Variants in GRIP1 observed in about 807,000 individuals in gnomAD.
GRIP1 encodes glutamate receptor interacting protein 1, also known as glutamate receptor-interacting protein 1.
Under a neutral mutation model 129.9 loss-of-function variants are expected in GRIP1, and 45 were observed. That is an observed-to-expected ratio of 0.35 (90% CI 0.27 to 0.44). The LOEUF is 0.44. GRIP1 is among the 20% of genes least tolerant of loss of function. The pLI is 1.00. For synonymous variants in GRIP1, 530 were observed against 520.8 expected (o/e 1.02, Z -0.24); for missense variants, 1,196 against 1,396.8 (o/e 0.86, Z 2.29).
Position 66,589,222 on chromosome 12 carries a change from CTCTCTG to C in GRIP1, c.136+7619_136+7624del, listed in dbSNP as rs1164376405. 8.2e-5 allele frequency among the ~76,000 whole-genome samples: 12 copies of C among 146,420 alleles called. No individual in the cohort carries two copies. In the South Asian group the frequency reaches 1.8e-3, roughly 22 times the overall value. ...TCTCTCTCTCTCTCTCTCTCTCTCT[CTCTCTG>C]TCTGTCTGTCTCTCTCTCTCTCTTA... On this transcript the variant is annotated intron_variant, in intron 2 of 24. Coordinates refer to ENST00000359742, the MANE Select transcript of GRIP1 (RefSeq NM_001366722.1).
At chr12:67,051,177 C>T (rs1003186650) in intron 1 of GRIP1, among the ~76,000 whole-genome samples, 2 of 152,082 alleles carry the variant, frequency 1.3e-5, no homozygotes, top group Non-Finnish European at 2.9e-5. Context: ...AGAGCCTGAA[C>T]ATGAAACGGA....
intron 13 of GRIP1, among the ~76,000 whole-genome samples, chr12:66,433,210 A>C (rs1288550342): frequency 6.6e-6 from 1 of 152,128 alleles, no homozygotes; most frequent in African/African-American, 2.4e-5. Flanking sequence ...CTTAATTTGT[A>C]ATGTGAAAAG....
intron 1 of GRIP1, among the ~76,000 whole-genome samples, chr12:67,064,667 T>C (rs2043591053): frequency 6.6e-6 from 1 of 152,202 alleles, no homozygotes. Flanking sequence ...CCAGATCTCC[T>C]CGATATGGGT....
intron 22 of GRIP1, among the ~76,000 whole-genome samples, chr12:66,374,982 A>G (rs2055715792): frequency 6.6e-6 from 1 of 152,156 alleles, no homozygotes; most frequent in African/African-American, 2.4e-5. Context: ...ACCTGTTTTC[A>G]TTTGCCATAA....
chr12:66,568,785 G>T, intron 2 of GRIP1: 1 of 279,192 alleles, frequency 3.6e-6, no homozygotes, highest in Non-Finnish European at 7.1e-6. Context: ...TGGTGAATGG[G>T]CACTGCCTCT....
At chr12:66,599,198 C>A (rs1186322189) in intron 1 of GRIP1, among the ~76,000 whole-genome samples, 3 of 152,086 alleles carry the variant, frequency 2.0e-5, no homozygotes, top group Admixed American at 6.6e-5. Context: ...TGAGCACAGG[C>A]AAAAGTAAAT....
At chr12:66,941,336 T>C (rs1315847733) in intron 1 of GRIP1, among the ~76,000 whole-genome samples, 1 of 152,192 alleles carries the variant, frequency 6.6e-6, no homozygotes, top group Admixed American at 6.5e-5. Context: ...AATTTCAGTC[T>C]TCTAGGCCAC....
At chr12:66,704,436 A>T (rs762265003) in intron 1 of GRIP1, among the ~76,000 whole-genome samples, 39 of 152,084 alleles carry the variant, frequency 2.6e-4, no homozygotes, top group Non-Finnish European at 5.0e-4. Context: ...TAAAAAGATC[A>T]CTAACAAGCA....
At chr12:66,671,712 T>C (rs1019472457) in intron 1 of GRIP1, among the ~76,000 whole-genome samples, 1 of 152,216 alleles carries the variant, frequency 6.6e-6, no homozygotes, top group Non-Finnish European at 1.5e-5. Flanking sequence ...ATCTTTGCTT[T>C]GGTTTTTAGA....
intron 1 of GRIP1, among the ~76,000 whole-genome samples, chr12:66,881,556 T>G (rs1252276): frequency 6.6e-6 from 1 of 151,870 alleles, no homozygotes; most frequent in Non-Finnish European, 1.5e-5. Context: ...GCTTCATCCA[T>G]CACATGCACC....
chr12:66,498,724 C>T (rs1419642321), intron 7 of GRIP1, among the ~76,000 whole-genome samples: 1 of 152,036 alleles, frequency 6.6e-6, no homozygotes, highest in African/African-American at 2.4e-5. Context: ...TTTGAGATTT[C>T]TTATCTTTAA....
At chr12:66,595,768 A>G (rs761880804) in intron 2 of GRIP1, among the ~76,000 whole-genome samples, 4 of 152,234 alleles carry the variant, frequency 2.6e-5, no homozygotes, top group Non-Finnish European at 4.4e-5. Flanking sequence ...ACATATTCAT[A>G]ATATGTGTCT....
At chr12:66,688,721 G>C (rs555507463) in intron 1 of GRIP1, among the ~76,000 whole-genome samples, 2 of 151,016 alleles carry the variant, frequency 1.3e-5, no homozygotes, top group South Asian at 4.2e-4. Flanking sequence ...ACATTAAAGT[G>C]CTCCTTGGGG....
intron 7 of GRIP1, among the ~76,000 whole-genome samples, chr12:66,501,070 CA>C (rs2060379291): frequency 6.6e-6 from 1 of 152,180 alleles, no homozygotes; most frequent in East Asian, 1.9e-4. Flanking sequence ...AGCCAGGAGA[CA>C]GGGGACTCAG....
chr12:66,418,825 A>T (rs2057702397), intron 15 of GRIP1, among the ~76,000 whole-genome samples: 1 of 152,180 alleles, frequency 6.6e-6, no homozygotes, highest in South Asian at 2.1e-4. Context: ...AGGAAAGGGA[A>T]CCCTGGTACA....
intron 1 of GRIP1, among the ~76,000 whole-genome samples, chr12:66,909,068 CATTT>C (rs2040985705): frequency 6.6e-6 from 1 of 152,064 alleles, no homozygotes; most frequent in East Asian, 1.9e-4. Context: ...GTGATAATAC[CATTT>C]ATTACTTATT....
At chr12:66,532,267 T>C (rs1177502387) in intron 4 of GRIP1, among the ~76,000 whole-genome samples, 1 of 152,200 alleles carries the variant, frequency 6.6e-6, no homozygotes, top group Non-Finnish European at 1.5e-5. Context: ...ACATCCTGCA[T>C]TGCCATGTAA....
intron 1 of GRIP1, among the ~76,000 whole-genome samples, chr12:66,636,715 CTGTGTG>C (rs113361426): frequency 0.028 from 4,054 of 145,152 alleles, 195 homozygotes; most frequent in African/African-American, 0.097. Context: ...CATTAGATCT[CTGTGTG>C]TGTGTGTGTG....
chr12:66,635,641 A>G (rs1264154728), intron 1 of GRIP1, among the ~76,000 whole-genome samples: 1 of 152,118 alleles, frequency 6.6e-6, no homozygotes, highest in Non-Finnish European at 1.5e-5. Flanking sequence ...CACCATAAAG[A>G]GATTGTAAAT....
Sources: gnomAD v4.1 joint callset for allele counts (sites outside exome capture counted in the v4.1 genomes callset) on GRCh38, gnomAD v4.1.1 for gene constraint, MANE v1.5 for transcripts, NCBI Gene and HGNC (gene_info 2026-07-23, HGNC 2026-07-21) for gene names.